The following CLVS1 variants were observed in gnomAD, a reference collection of about 807,000 sequenced individuals.
CLVS1 encodes clavesin 1.
Under a neutral mutation model 33.1 loss-of-function variants are expected in CLVS1, and 10 were observed. That is an observed-to-expected ratio of 0.30 (90% CI 0.19 to 0.51). CLVS1 has a LOEUF of 0.51. Among genes scored for constraint, CLVS1 ranks in the 20% least tolerant of loss-of-function variants. CLVS1 has a pLI of 0.97. For synonymous variants in CLVS1, 163 were observed against 166.1 expected, an observed-to-expected ratio of 0.98 and a Z score of 0.14; for missense variants, 343 against 433.4, an observed-to-expected ratio of 0.79 and a Z score of 1.85.
intron 3 of CLVS1, among the ~76,000 whole-genome samples, chr8:61,424,838 A>G (rs1815819120): frequency 6.6e-6 from 1 of 152,224 alleles, no homozygotes; most frequent in Admixed American, 6.5e-5. Context: ...GATTATAATA[A>G]TGAATCTTGA....
chr8:60,991,120 T>G, the CLVS1 span, among the ~76,000 whole-genome samples: 1 of 152,136 alleles, frequency 6.6e-6, no homozygotes. Flanking sequence ...CCTACATTGG[T>G]GAAAAGCTAA....
intron 2 of CLVS1, among the ~76,000 whole-genome samples, chr8:61,179,082 G>A (rs1474654551): frequency 6.6e-6 from 1 of 152,174 alleles, no homozygotes; most frequent in African/African-American, 2.4e-5. Flanking sequence ...ACCCATTGGT[G>A]TGCTGTGTTT....
the CLVS1 span, among the ~76,000 whole-genome samples, chr8:61,039,161 G>C: frequency 6.6e-6 from 1 of 151,974 alleles, no homozygotes; most frequent in Non-Finnish European, 1.5e-5. Flanking sequence ...TCCTTTTTGA[G>C]GACTAGGACA....
chr8:61,346,792 A>C (rs1216001913), intron 2 of CLVS1, among the ~76,000 whole-genome samples: 1 of 152,204 alleles, frequency 6.6e-6, no homozygotes, highest in Non-Finnish European at 1.5e-5. Flanking sequence ...ATAATGTCTC[A>C]TCTAACTGTG....
At chr8:61,150,767 G>A (rs1029792836) in intron 2 of CLVS1, among the ~76,000 whole-genome samples, 28 of 152,294 alleles carry the variant, frequency 1.8e-4, no homozygotes, top group Admixed American at 3.9e-4. Flanking sequence ...GCTGTGGCTC[G>A]AACTGGCCCA....
chr8:61,021,412 G>A, the CLVS1 span, among the ~76,000 whole-genome samples: 8 of 152,114 alleles, frequency 5.3e-5, no homozygotes, highest in African/African-American at 1.4e-4. Context: ...GTGCAATGGC[G>A]CGATCTCAGT....
rs1804719656 is a variant in CLVS1 at position 61,500,750 on chromosome 8, T to C, written c.*1208T>C. 1 of 152,240 alleles carries C rather than the reference T, an allele frequency of 6.6e-6. No individual in the cohort carries two copies. The highest frequency in any genetic ancestry group is 2.4e-5 in the African/African-American group (1 of 41,468). 9.4% of individuals were successfully genotyped at this position (152,240 alleles called of 1,614,324 possible). On this transcript the variant is annotated 3_prime_UTR_variant, in exon 6 of 6. Transcript: ENST00000325897. ...GCCATCTGCATGACATGGGTATTTA[T>C]TAGTATTACCAGTTGGTGCTCAAAG...
chr8:61,118,869 C>G (rs1805798573), intron 1 of CLVS1, among the ~76,000 whole-genome samples: 1 of 152,110 alleles, frequency 6.6e-6, no homozygotes, highest in Admixed American at 6.5e-5. Flanking sequence ...GTGGAGAGTT[C>G]TGTGGATGTC....
intron 2 of CLVS1, among the ~76,000 whole-genome samples, chr8:61,357,494 C>CTTTTCTT (rs1812776284): frequency 6.2e-4 from 16 of 25,812 alleles, no homozygotes; most frequent in African/African-American, 1.6e-3. Flanking sequence ...TTTTTCTTTT[C>CTTTTCTT]TTTTTTTTTT....
At chr8:61,142,889 T>C (rs1215637918) in intron 2 of CLVS1, among the ~76,000 whole-genome samples, 2 of 152,186 alleles carry the variant, frequency 1.3e-5, no homozygotes, top group Non-Finnish European at 2.9e-5. Flanking sequence ...TGGACATACT[T>C]GCTATTAAAA....
In CLVS1 at chr8:61,499,663, C is replaced by G. The variant is rs1804492674; in HGVS notation, c.*121C>G. On this transcript the variant is annotated 3_prime_UTR_variant, in exon 6 of 6. Coordinates refer to ENST00000325897, the MANE Select transcript of CLVS1 (RefSeq NM_173519.3). ...TCTGCTTGACACAAGGTCCTCCACT[C>G]CTGAACCCCTGCAGTGACTGTCACC... 9.4e-6 allele frequency: 6 copies of G among 635,080 alleles called. No homozygotes were observed. In the South Asian group the frequency reaches 1.2e-4, roughly 13 times the overall value. 39.3% of individuals were successfully genotyped at this position (635,080 alleles called of 1,614,324 possible).
chr8:61,362,561 A>G (rs1813033057), intron 2 of CLVS1, among the ~76,000 whole-genome samples: 1 of 152,212 alleles, frequency 6.6e-6, no homozygotes, highest in Non-Finnish European at 1.5e-5. Context: ...ACATTGCAGG[A>G]TATTTATAAT....
intron 1 of CLVS1, among the ~76,000 whole-genome samples, chr8:61,081,143 T>G (rs897418545): frequency 6.6e-6 from 1 of 152,160 alleles, no homozygotes; most frequent in African/African-American, 2.4e-5. Context: ...ACTGAAGGTT[T>G]CTGAGGAGGC....
At chr8:61,001,158 C>T in the CLVS1 span, among the ~76,000 whole-genome samples, 5 of 152,056 alleles carry the variant, frequency 3.3e-5, no homozygotes, top group Non-Finnish European at 5.9e-5. Context: ...ATTTTTTGGT[C>T]TTATTTTTGA....
chr8:61,351,729 T>A (rs1397467302), intron 2 of CLVS1, among the ~76,000 whole-genome samples: 1 of 151,972 alleles, frequency 6.6e-6, no homozygotes, highest in Non-Finnish European at 1.5e-5. Context: ...CCAATTCAAG[T>A]GACACTGAAT....
At chr8:61,463,679 T>G (rs1284445642) in intron 5 of CLVS1, among the ~76,000 whole-genome samples, 1 of 152,170 alleles carries the variant, frequency 6.6e-6, no homozygotes, top group Admixed American at 6.6e-5. Flanking sequence ...GTATATTGTC[T>G]TATAGGAGCA....
intron 1 of CLVS1, among the ~76,000 whole-genome samples, chr8:61,295,238 G>A (rs146528390): frequency 7.9e-5 from 12 of 152,314 alleles, no homozygotes; most frequent in Non-Finnish European, 1.5e-4. Flanking sequence ...ACATGAATCT[G>A]CCTAAACTGG....
chr8:61,088,968 A>AT (rs1179548100), intron 1 of CLVS1, among the ~76,000 whole-genome samples: 3 of 151,644 alleles, frequency 2.0e-5, no homozygotes, highest in South Asian at 4.2e-4. Flanking sequence ...CGCCTGGCTA[A>AT]TTTTTTTGTA....
At chr8:61,428,755 C>T (rs1216246604) in intron 3 of CLVS1, among the ~76,000 whole-genome samples, 1 of 152,236 alleles carries the variant, frequency 6.6e-6, no homozygotes, top group Non-Finnish European at 1.5e-5. Context: ...TTAAATCCCA[C>T]AGTGGGCCCT....
Sources: gnomAD v4.1 joint callset for allele counts (sites outside exome capture counted in the v4.1 genomes callset) on GRCh38, gnomAD v4.1.1 for gene constraint, MANE v1.5 for transcripts, NCBI Gene and HGNC (gene_info 2026-07-23, HGNC 2026-07-21) for gene names.